GPHN: variants seen among roughly 807,000 people sequenced by gnomAD.
GPHN encodes the protein gephyrin.
Under a neutral mutation model 95.5 loss-of-function variants are expected in GPHN, and 17 were observed. That is an observed-to-expected ratio of 0.18 (90% CI 0.12 to 0.27). The LOEUF (loss-of-function observed/expected upper bound fraction) is 0.27, where lower values mean the gene tolerates loss of function less well. GPHN is among the 10% of genes least tolerant of loss of function. GPHN has a pLI of 1.00. For synonymous variants in GPHN, 320 were observed against 322.5 expected (o/e 0.99, Z 0.08); for missense variants, 660 against 978.1 (o/e 0.67, Z 4.34).
the GPHN span, chr14:67,533,643 T>G: frequency 6.6e-6 from 1 of 151,994 alleles, no homozygotes; most frequent in East Asian, 1.9e-4. Context: ...TACCTGGACT[T>G]GGGGATCGGT....
At chr14:66,814,915 A>C (rs1028216014) in intron 3 of GPHN, among the ~76,000 whole-genome samples, 1 of 152,194 alleles carries the variant, frequency 6.6e-6, no homozygotes, top group South Asian at 2.1e-4. Context: ...AAAAATCATG[A>C]TAAAACATGG....
chr14:67,480,209 G>A, the GPHN span, among the ~76,000 whole-genome samples: 1 of 152,134 alleles, frequency 6.6e-6, no homozygotes, highest in African/African-American at 2.4e-5. Context: ...CTTACCCGAT[G>A]CAGGGTCACT....
At chr14:67,572,163 G>A in the GPHN span, 3 of 1,607,564 alleles carry the variant, frequency 1.9e-6, no homozygotes, top group East Asian at 6.7e-5. Context: ...TGAGCTCCGA[G>A]GGTGACTACG....
chr14:66,589,307 A>G (rs1218985884), intron 1 of GPHN, among the ~76,000 whole-genome samples: 1 of 152,202 alleles, frequency 6.6e-6, no homozygotes, highest in Non-Finnish European at 1.5e-5. Context: ...TTTCGACACT[A>G]TGAAGAAACC....
the GPHN span, among the ~76,000 whole-genome samples, chr14:67,439,580 T>TCTTTCTTTCTTC: frequency 3.5e-5 from 5 of 141,228 alleles, no homozygotes; most frequent in Non-Finnish European, 5.9e-5. Flanking sequence ...TTTCTTTCTT[T>TCTTTCTTTCTTC]CTTTCTTTCT....
the GPHN span, chr14:67,572,264 TGGGCCTGGGCGGGGTGAGCCGGGAAACG>T: frequency 1.9e-6 from 3 of 1,598,440 alleles, no homozygotes; most frequent in Non-Finnish European, 2.6e-6. Flanking sequence ...ACCGACGGGC[TGGGCCTGGGCGGGGTGAGCCGGGAAACG>T]GGCGGGGGCA....
intron 11 of GPHN, among the ~76,000 whole-genome samples, chr14:67,067,595 G>GCCCT (rs2153654953): frequency 6.6e-6 from 1 of 152,336 alleles, no homozygotes; most frequent in South Asian, 2.1e-4. Context: ...TTGCTGAGCT[G>GCCCT]TGGTGAGCTC....
rs565833150 is a variant in GPHN, at chr14:66,552,971, TTTTTCTTTTTTC to T, written c.64+44390_64+44401del. On this transcript the variant is annotated intron_variant, in intron 1 of 22. Transcript: ENST00000478722. ...TTGGGATTGGCTAAACTTCTTTTTT[TTTTTCTTTTTTC>T]TTTTCTTTTCTTTTTTCTTTTTTTA... is the stretch of plus-strand genomic sequence containing the variant. Among the ~76,000 whole-genome samples the T allele has an allele frequency of 3.0e-3, 461 of 151,934 alleles. 2 individuals carry two copies. Among genetic ancestry groups the T allele is most frequent in the South Asian group, 0.014 (68 of 4,814 alleles).
At chr14:67,540,923 A>T in the GPHN span, among the ~76,000 whole-genome samples, 2 of 152,156 alleles carry the variant, frequency 1.3e-5, no homozygotes, top group Non-Finnish European at 2.9e-5. Context: ...TCCAGAAGGC[A>T]TCTGAGTGAA....
intron 8 of GPHN, among the ~76,000 whole-genome samples, chr14:66,932,455 T>TGTTG (rs1567118371): frequency 8.9e-6 from 1 of 112,256 alleles, no homozygotes; most frequent in Non-Finnish European, 2.0e-5. Context: ...TTTTTTTTTT[T>TGTTG]TTTTTTTTTT....
chr14:67,451,254 T>C, the GPHN span, among the ~76,000 whole-genome samples: 1 of 152,156 alleles, frequency 6.6e-6, no homozygotes, highest in Non-Finnish European at 1.5e-5. Flanking sequence ...GCTAGGGCAT[T>C]GTGGAAGGGA....
the GPHN span, among the ~76,000 whole-genome samples, chr14:67,357,930 T>C: frequency 1.3e-5 from 2 of 152,226 alleles, no homozygotes; most frequent in African/African-American, 2.4e-5. Flanking sequence ...TCAAAGATAC[T>C]TGAAGGGACA....
chr14:66,554,757 A>G (rs1047258145), intron 1 of GPHN, among the ~76,000 whole-genome samples: 8 of 152,204 alleles, frequency 5.3e-5, no homozygotes, highest in African/African-American at 1.9e-4. Flanking sequence ...TACTTGTACA[A>G]ACTTTAGAAA....
chr14:67,661,972 C>A, the GPHN span, among the ~76,000 whole-genome samples: 1 of 151,758 alleles, frequency 6.6e-6, no homozygotes, highest in African/African-American at 2.4e-5. Flanking sequence ...CTGGCTAACA[C>A]GGTGAAACCC....
intron 9 of GPHN, among the ~76,000 whole-genome samples, chr14:67,009,823 A>G (rs975217224): frequency 6.6e-6 from 1 of 151,820 alleles, no homozygotes; most frequent in Non-Finnish European, 1.5e-5. Flanking sequence ...CAGTGGTGCA[A>G]TCTCAGCTCA....
chr14:67,473,458 C>A, the GPHN span: 1 of 1,614,138 alleles, frequency 6.2e-7, no homozygotes, highest in Non-Finnish European at 8.5e-7. The surrounding 1 kb of genome is among the most constrained non-coding windows in gnomAD (Gnocchi z 6.5). Flanking sequence ...AGGGCTAGGG[C>A]GCCGCTGGGC....
At chr14:67,042,611 A>T (rs146940721) in intron 10 of GPHN, among the ~76,000 whole-genome samples, 140 of 152,278 alleles carry the variant, frequency 9.2e-4, no homozygotes, top group Non-Finnish European at 1.7e-3. Context: ...TACCAGTATC[A>T]TGCTGTTTTG....
chr14:67,561,443 CGGGAGGCTGAGGT>C, the GPHN span, among the ~76,000 whole-genome samples: 1 of 152,072 alleles, frequency 6.6e-6, no homozygotes, highest in Non-Finnish European at 1.5e-5. Flanking sequence ...CCCAGCTACT[CGGGAGGCTGAGGT>C]GGGAGGCTAA....
At chr14:67,586,219 C>T in the GPHN span, 1 of 1,252,458 alleles carries the variant, frequency 8.0e-7, no homozygotes, top group African/African-American at 1.5e-5. Flanking sequence ...AATTGTTGGT[C>T]TTGTCTGTAA....
Sources: allele counts gnomAD v4.1 joint callset (sites outside exome capture counted in the v4.1 genomes callset), GRCh38; gene constraint gnomAD v4.1.1; non-coding constraint Gnocchi (gnomAD v3.1); transcripts MANE v1.5; gene names NCBI Gene and HGNC (gene_info 2026-07-23, HGNC 2026-07-21).